The following KDM3B variants were observed in gnomAD, a reference collection of about 807,000 sequenced individuals.
KDM3B encodes the protein lysine-specific demethylase 3B.
In KDM3B, 10 loss-of-function variants were observed where a neutral mutation model predicts 170.0. The ratio of observed to expected loss-of-function variants is 0.06; its 90% confidence interval spans 0.04 to 0.10. The LOEUF is 0.10. KDM3B is among the 10% of genes least tolerant of loss of function. The pLI is 1.00. For synonymous variants in KDM3B, 831 were observed against 834.8 expected (o/e 1.00, Z 0.08); for missense variants, 1,394 against 2,195.2 (o/e 0.64, Z 7.29).
chr5:138,426,826 G>A (rs1763406830), intron 17 of KDM3B, 149 bp from the exon 18 acceptor site: 2 of 588,494 alleles, frequency 3.4e-6, no homozygotes, highest in Non-Finnish European at 6.0e-6. Flanking sequence ...TCATGCCACT[G>A]CACTGCAGCC....
intron 2 of KDM3B, among the ~76,000 whole-genome samples, chr5:138,374,862 C>T (rs1236853784): frequency 6.6e-6 from 1 of 152,104 alleles, no homozygotes; most frequent in African/African-American, 2.4e-5. Context: ...TCCTCTTGTC[C>T]TTTTTAGCCA....
chr5:138,386,398 C>T lies in KDM3B; in HGVS notation c.1157C>T (p.Ser386Phe). 1 of 1,614,220 alleles carries T rather than the reference C, an allele frequency of 6.2e-7. No individual in the cohort carries two copies. The highest frequency in any genetic ancestry group is 1.1e-5 in the South Asian group (1 of 91,088). ...GDTPASFTPY[S>F]TATGQTPLAP... is the part of the protein sequence containing the mutation. Reference sequence around the variant, plus strand: ...ACACCTGCATCTTTCACTCCATATTCTACAGCCACAGGTCAGACACCTTTG... The same window carrying T: ...ACACCTGCATCTTTCACTCCATATTTTACAGCCACAGGTCAGACACCTTTG... The change falls in exon 7 of 24, where the codon TCT (serine) becomes TTT (phenylalanine). Residue 386 changes from serine (S) to phenylalanine (F), a missense_variant. By Grantham distance (155) the Ser-to-Phe change is radical. This residue lies in a region of KDM3B where 205 missense variants were observed against 227.6 expected (regional missense o/e 0.90). Coordinates refer to ENST00000314358, the MANE Select transcript of KDM3B (RefSeq NM_016604.4).
chr5:138,393,410 A>T, intron 9 of KDM3B, 38 bp downstream of exon 9: 1 of 1,508,428 alleles, frequency 6.6e-7, no homozygotes, highest in Non-Finnish European at 9.2e-7. Context: ...GCTAGTTTTC[A>T]TTAGTGACAC....
In KDM3B at chr5:138,374,379, C is replaced by T. The variant is rs559935197; in HGVS notation, c.361-714C>T. 85 of 378,990 alleles carry T rather than the reference C, an allele frequency of 2.2e-4. No homozygotes were observed. In the East Asian group the frequency reaches 7.8e-3, roughly 35 times the overall value. The allele number at this position is 378,990 out of a possible 1,614,324, so 23.5% of individuals were successfully genotyped here. Reference sequence around the variant, plus strand: ...GTTCAAGCAATTCTCCTGCCTCAGCCTCCCGAGTAACTGGGATTACAGGCG... The same window carrying T: ...GTTCAAGCAATTCTCCTGCCTCAGCTTCCCGAGTAACTGGGATTACAGGCG... On this transcript the variant is annotated intron_variant, in intron 2 of 23. Transcript: ENST00000314358.
intron 1 of KDM3B, among the ~76,000 whole-genome samples, chr5:138,361,443 A>G (rs1218335227): frequency 6.6e-6 from 1 of 151,948 alleles, no homozygotes; most frequent in Non-Finnish European, 1.5e-5. Context: ...TCCACATGCA[A>G]GGTTATTAAT....
chr5:138,389,762 TTC>T (rs368227371), intron 7 of KDM3B, among the ~76,000 whole-genome samples: 162 of 138,830 alleles, frequency 1.2e-3, no homozygotes, highest in African/African-American at 3.5e-3. Context: ...TATGGGTCTC[TTC>T]TCTCTCTCTC....
rs6865472 is a variant in KDM3B at position 138,381,576 on chromosome 5, G to A, written c.766G>A (p.Ala256Thr). Residue 256 changes from alanine to threonine, a missense_variant, in exon 6 of 24, where the codon GCG becomes ACG. By Grantham distance (58) the Ala-to-Thr change is moderately conservative. Coordinates refer to ENST00000314358, the MANE Select transcript of KDM3B (RefSeq NM_016604.4). ...LIHVMLMDNS[A>T]PQSEGGTLKA... Reference sequence around the variant, plus strand: ...CCATGTGATGCTGATGGATAATTCAGCGCCTCAAAGCGAGGTACAGTAATG... The same window carrying A: ...CCATGTGATGCTGATGGATAATTCAACGCCTCAAAGCGAGGTACAGTAATG... 1 allele frequency: 1,597,487 copies of A among 1,602,284 alleles called. 796,510 individuals carry two copies. Among genetic ancestry groups the A allele is most frequent in the East Asian group, 1 (44,822 of 44,822 alleles).
intron 1 of KDM3B, among the ~76,000 whole-genome samples, chr5:138,364,066 C>T (rs1188852946): frequency 1.3e-5 from 2 of 151,788 alleles, no homozygotes; most frequent in African/African-American, 2.4e-5. Flanking sequence ...ACAGGTGCCA[C>T]GCCACCATGC....
rs1408643891 is a variant in KDM3B, at chr5:138,419,668, A to AAAAAT, written c.3715+437_3715+438insAAATA. ...ACTCTGTCTCAAAAAAAAAAAAAAA[A>AAAAAT]ATATATATATATATATATATACATA... On this transcript the variant is annotated intron_variant, in intron 14 of 23. Coordinates refer to ENST00000314358, the MANE Select transcript of KDM3B (RefSeq NM_016604.4). Among the ~76,000 whole-genome samples the AAAAAT allele has an allele frequency of 3.2e-4, 35 of 109,226 alleles. 2 individuals are homozygous for AAAAAT. Among genetic ancestry groups the AAAAAT allele is most frequent in the Admixed American group, 6.6e-4 (6 of 9,070 alleles). 71.7% of individuals were successfully genotyped at this position (109,226 alleles called of 152,430 possible).
chr5:138,411,397 A>G (rs1353494608), intron 11 of KDM3B, among the ~76,000 whole-genome samples: 1 of 152,222 alleles, frequency 6.6e-6, no homozygotes, highest in Non-Finnish European at 1.5e-5. Context: ...ATATTCATAT[A>G]TAATCATATC....
intron 23 of KDM3B, among the ~76,000 whole-genome samples, chr5:138,433,160 G>A (rs1763581102): frequency 6.8e-6 from 1 of 148,138 alleles, no homozygotes; most frequent in South Asian, 2.1e-4. Flanking sequence ...CACCCATGCT[G>A]GAGTGCAGTG....
chr5:138,417,679 T>C (rs968738238), intron 13 of KDM3B, 69 bp downstream of exon 13: 118 of 1,508,948 alleles, frequency 7.8e-5, no homozygotes, highest in Non-Finnish European at 1.1e-4. Context: ...TGCCCCCTTT[T>C]CAACTCTGTT....
chr5:138,408,346 T>C (rs1275023345), intron 11 of KDM3B, among the ~76,000 whole-genome samples: 2 of 151,206 alleles, frequency 1.3e-5, no homozygotes, highest in Non-Finnish European at 3.0e-5. Context: ...TTCTTTCTTT[T>C]TTTTTTCTTT....
At chr5:138,390,774 G>A (rs1363765795) in intron 7 of KDM3B, among the ~76,000 whole-genome samples, 2 of 152,158 alleles carry the variant, frequency 1.3e-5, no homozygotes, top group Non-Finnish European at 2.9e-5. Context: ...ATTGCAGGAT[G>A]AATGACATCC....
chr5:138,375,441 G>A (rs1413047874), intron 3 of KDM3B, among the ~76,000 whole-genome samples: 1 of 151,374 alleles, frequency 6.6e-6, no homozygotes, highest in African/African-American at 2.4e-5. Flanking sequence ...GCAGTGGTGC[G>A]ATCTCAACTC....
chr5:138,407,148 G>A (rs2126972413), intron 11 of KDM3B, among the ~76,000 whole-genome samples: 1 of 152,116 alleles, frequency 6.6e-6, no homozygotes, highest in East Asian at 1.9e-4. Flanking sequence ...ACCAAACCTA[G>A]CTAATTTCTG....
intron 1 of KDM3B, among the ~76,000 whole-genome samples, chr5:138,362,078 G>A (rs973229548): frequency 6.6e-6 from 1 of 152,132 alleles, no homozygotes; most frequent in African/African-American, 2.4e-5. Context: ...CCAGCACTTT[G>A]GGAGGCTGAG....
intron 1 of KDM3B, among the ~76,000 whole-genome samples, chr5:138,361,396 A>C (rs1761606947): frequency 6.7e-6 from 1 of 149,808 alleles, no homozygotes; most frequent in African/African-American, 2.5e-5. Flanking sequence ...TAGGGGACTG[A>C]TTCTCTCTAA....
intron 1 of KDM3B, among the ~76,000 whole-genome samples, chr5:138,367,334 T>C (rs1008762266): frequency 1.3e-5 from 2 of 152,178 alleles, no homozygotes; most frequent in Non-Finnish European, 2.9e-5. Flanking sequence ...TGTGAATAAA[T>C]GAATACTGTT....
Sources: gnomAD v4.1 joint callset for allele counts (sites outside exome capture counted in the v4.1 genomes callset) on GRCh38, gnomAD v4.1.1 for gene constraint, gnomAD v4.1.1 regional missense constraint, MANE v1.5 for transcripts, NCBI Gene and HGNC (gene_info 2026-07-23, HGNC 2026-07-21) for gene names.